RBBP6: variants seen among roughly 807,000 people sequenced by gnomAD.
RBBP6 encodes the protein RB binding protein 6, ubiquitin ligase.
Under a neutral mutation model 167.7 loss-of-function variants are expected in RBBP6, and 25 were observed. The ratio of observed to expected loss-of-function variants is 0.15; its 90% CI spans 0.11 to 0.21. RBBP6 has a LOEUF of 0.21. RBBP6 is among the 10% of genes least tolerant of loss of function. The pLI, the probability that RBBP6 is intolerant of heterozygous loss-of-function variation, is 1.00. For synonymous variants in RBBP6, 789 were observed against 735.8 expected (o/e 1.07, Z -1.17); for missense variants, 1,868 against 2,134.2 (o/e 0.88, Z 2.46).
chr16:24,572,056 G>C lies in RBBP6; in HGVS notation c.4990G>C (p.Asp1664His), dbSNP rs1178494356. The C allele has an allele frequency of 1.9e-6, 3 of 1,614,118 alleles. No homozygotes were observed. The South Asian group carries it at 3.3e-5, about 18-fold the overall frequency. ...GGAATCTTCAGGAAACATTTCTAAG[G>C]ACCTGAAAGATAAAATAGTGGAGAA... is the stretch of plus-strand genomic sequence containing the variant. ...EEESSGNISK[D>H]LKDKIVEKAK... Residue 1664 changes from aspartate to histidine, a missense_variant, in exon 18 of 18, where the codon GAC (aspartate) becomes CAC (histidine). Around this residue, in one of 7 missense-constraint regions of RBBP6, gnomAD observed 591 missense variants for 540.5 expected, o/e 1.09. Coordinates refer to ENST00000319715, the MANE Select transcript of RBBP6 (RefSeq NM_006910.5).
chr16:24,563,678 T>C lies in RBBP6; in HGVS notation c.1520+14T>C. Reference sequence around the variant, plus strand: ...AGGCTGGGAACAGTGAGTAGATGTTTACAATAATCTTCAGATGATTGCCTG... The same window carrying C: ...AGGCTGGGAACAGTGAGTAGATGTTCACAATAATCTTCAGATGATTGCCTG... On this transcript the variant is annotated intron_variant, in intron 13 of 17. Transcript: ENST00000319715. 1 of 1,607,078 alleles carries C rather than the reference T, an allele frequency of 6.2e-7. No homozygotes were observed. The highest frequency in any genetic ancestry group is 1.1e-5 in the South Asian group (1 of 90,656).
chr16:24,549,463 T>G (rs889139412), intron 3 of RBBP6: 17 of 842,968 alleles, frequency 2.0e-5, no homozygotes, highest in Admixed American at 1.9e-4. Flanking sequence ...CCTGCCTGAT[T>G]TATGGCTTCC....
chr16:24,553,688 C>T, intron 4 of RBBP6, 131 bp downstream of exon 4: 1 of 541,240 alleles, frequency 1.8e-6, no homozygotes, highest in Non-Finnish European at 3.1e-6. Context: ...TTATTACTAT[C>T]CTGTAAAGAG....
intron 1 of RBBP6, among the ~76,000 whole-genome samples, chr16:24,545,192 C>T (rs1380472108): frequency 2.0e-5 from 3 of 152,140 alleles, no homozygotes; most frequent in African/African-American, 7.2e-5. Flanking sequence ...CTGCCTCAGC[C>T]TCCTGAGTAG....
chr16:24,567,571 G>T (rs1057359835), intron 15 of RBBP6, 66 bp downstream of exon 15: 12 of 1,488,938 alleles, frequency 8.1e-6, no homozygotes, highest in Admixed American at 2.2e-5. Context: ...TTAAATAGGT[G>T]TCTGGAAACG....
At chr16:24,570,770 T>C (rs1899307030) in intron 17 of RBBP6, 106 bp from the exon 18 acceptor site, 2 of 1,022,934 alleles carry the variant, frequency 2.0e-6, no homozygotes, top group South Asian at 3.1e-5. Context: ...TTTTTTTTAA[T>C]GTTAAAAGGA....
intron 6 of RBBP6, 65 bp downstream of exon 6, chr16:24,555,982 T>C: frequency 7.2e-7 from 1 of 1,384,136 alleles, no homozygotes; most frequent in Admixed American, 1.8e-5. Flanking sequence ...TCCTTAGCTA[T>C]CTTATTTTTC....
rs1898990573 is a variant in RBBP6, at chr16:24,559,245, AAG to A, written c.675-257_675-256del. ...GCTTTATTTCTGGCCCTCAGTTCTT[AAG>A]AGTGACGGGTTCTAAGATCCTTTTA... On this transcript the variant is annotated intron_variant, in intron 7 of 17. Transcript: ENST00000319715. Among the ~76,000 whole-genome samples, 3 of 152,200 alleles carry A rather than the reference AAG, an allele frequency of 2.0e-5. No homozygotes were observed. The South Asian group carries it at 6.2e-4, about 32-fold the overall frequency.
intron 17 of RBBP6, 132 bp from the exon 18 acceptor site, chr16:24,570,744 C>A: frequency 1.2e-6 from 1 of 859,644 alleles, no homozygotes; most frequent in Non-Finnish European, 1.6e-6. Context: ...TTCCTTAGGG[C>A]AGAATAAGTT....
chr16:24,571,649 AT>A lies in RBBP6; in HGVS notation c.4585del (p.Ser1529ProfsTer33). ...ERDLPKKGTG[D>X]SKKSNSSPSR... is the part of the protein sequence containing the mutation. ...GATTTGCCTAAAAAAGGAACAGGAG[AT>A]TCCAAAAAAAGTAATTCTAGTCCCT... On this transcript the variant is annotated frameshift_variant, in exon 18 of 18. Coordinates refer to ENST00000319715, the MANE Select transcript of RBBP6 (RefSeq NM_006910.5). LOFTEE classifies it high-confidence loss of function. 6.2e-7 allele frequency: 1 copy of A among 1,613,462 alleles called. No homozygotes were observed. The highest frequency in any genetic ancestry group is 1.1e-5 in the South Asian group (1 of 90,840).
At position 24,567,772 on chromosome 16, in the gene RBBP6, C is replaced by G; in HGVS notation, c.1953-20C>G. On this transcript the variant is annotated intron_variant, in intron 15 of 17. Transcript: ENST00000319715. ...TAAATGGTTTTTGTTAACTTTCACTCTTTAACTTTATTTTACTAGGGAAAA... is the reference window on the plus strand; with the variant it reads ...TAAATGGTTTTTGTTAACTTTCACTGTTTAACTTTATTTTACTAGGGAAAA... 1 of 1,573,590 alleles carries G rather than the reference C, an allele frequency of 6.4e-7. No homozygotes were observed. Among genetic ancestry groups the G allele is most frequent in the Non-Finnish European group, 8.7e-7 (1 of 1,150,864 alleles).
intron 7 of RBBP6, among the ~76,000 whole-genome samples, chr16:24,557,800 A>T (rs1200007995): frequency 6.6e-6 from 1 of 152,214 alleles, no homozygotes; most frequent in Non-Finnish European, 1.5e-5. Context: ...AGTGTAGTGT[A>T]GTGAGCAGGT....
At position 24,561,891 on chromosome 16, in the gene RBBP6, C is replaced by G. The variant is rs1348077808; in HGVS notation, c.1019C>G (p.Pro340Arg). Residue 340 changes from proline to arginine, a missense_variant, in exon 10 of 18, where the codon CCA becomes CGA. Physicochemically the swap from Pro to Arg is moderately radical, Grantham distance 103. Around this residue, in one of 7 missense-constraint regions of RBBP6, gnomAD observed 245 missense variants for 240.1 expected, o/e 1.02. Transcript: ENST00000319715. ...KRLRKQLPPP[P>R]PPIPPPRPLI... ...CTACGAAAACAGTTACCTCCTCCAC[C>G]ACCCCCAATACCACCTCCGAGACCA... 1.9e-6 allele frequency: 3 copies of G among 1,614,000 alleles called. No homozygotes were observed. The highest frequency in any genetic ancestry group is 2.5e-6 in the Non-Finnish European group (3 of 1,179,934).
chr16:24,548,073 A>G (rs1898704204), intron 2 of RBBP6, among the ~76,000 whole-genome samples: 1 of 152,114 alleles, frequency 6.6e-6, no homozygotes, highest in Non-Finnish European at 1.5e-5. Context: ...ACACACACCT[A>G]GAAACTCCTG....
chr16:24,559,797 A>G, intron 8 of RBBP6, 120 bp downstream of exon 8: 2 of 872,164 alleles, frequency 2.3e-6, no homozygotes, highest in Non-Finnish European at 3.2e-6. Flanking sequence ...ACAAGTGTTG[A>G]TCAATGAGCA....
chr16:24,541,702 T>G (rs1898504638), intron 1 of RBBP6, among the ~76,000 whole-genome samples: 1 of 152,234 alleles, frequency 6.6e-6, no homozygotes, highest in Non-Finnish European at 1.5e-5. Context: ...CAGTCTTTCC[T>G]GACTCTGAAC....
chr16:24,560,776 T>TAA (rs1206932291), intron 8 of RBBP6, among the ~76,000 whole-genome samples: 16 of 152,222 alleles, frequency 1.1e-4, no homozygotes, highest in African/African-American at 3.9e-4. Flanking sequence ...ATCTAGAGAT[T>TAA]ATTTAAAGTA....
At position 24,555,884 on chromosome 16, in the gene RBBP6, T is replaced by A; in HGVS notation, c.501T>A (p.Pro167=). The A allele has an allele frequency of 6.2e-7, 1 of 1,608,866 alleles. No individual in the cohort carries two copies. The highest frequency in any genetic ancestry group is 8.5e-7 in the Non-Finnish European group (1 of 1,175,192). ...PSYTCFRCGK[P]GHYIKNCPTN... Reference sequence around the variant, plus strand: ...ACACGTGTTTCCGTTGTGGTAAACCTGGACATTATATTAAGAATTGCCCAA... The same window carrying A: ...ACACGTGTTTCCGTTGTGGTAAACCAGGACATTATATTAAGAATTGCCCAA... Residue 167 remains proline (P), a synonymous_variant, in exon 6 of 18, where the codon CCT becomes CCA. Transcript: ENST00000319715.
chr16:24,572,235 T>C lies in RBBP6; in HGVS notation c.5169T>C (p.Ser1723=). ...SHSSSASSAE[S]QDSKKKKKKK... is the part of the protein sequence containing the mutation. Reference sequence around the variant, plus strand: ...GTAGCAGTGCCAGCTCAGCAGAAAGTCAGGACAGCAAGAAGAAGAAGAAAA... The same window carrying C: ...GTAGCAGTGCCAGCTCAGCAGAAAGCCAGGACAGCAAGAAGAAGAAGAAAA... Residue 1723 remains serine, a synonymous_variant, in exon 18 of 18, where the codon AGT becomes AGC. Coordinates refer to ENST00000319715, the MANE Select transcript of RBBP6 (RefSeq NM_006910.5). 1 of 1,611,740 alleles carries C rather than the reference T, an allele frequency of 6.2e-7. No individual in the cohort carries two copies. Among genetic ancestry groups the C allele is most frequent in the African/African-American group, 1.3e-5 (1 of 74,100 alleles).
Sources: gnomAD v4.1 joint callset for allele counts (sites outside exome capture counted in the v4.1 genomes callset) on GRCh38, gnomAD v4.1.1 for gene constraint, gnomAD v4.1.1 regional missense constraint, MANE v1.5 for transcripts, NCBI Gene and HGNC (gene_info 2026-07-23, HGNC 2026-07-21) for gene names.